The following DLG2 variants were observed in gnomAD, a reference collection of about 807,000 sequenced individuals.
The protein encoded by DLG2 is discs large MAGUK scaffold protein 2, also known as disks large homolog 2.
A neutral mutation model predicts 132.5 loss-of-function variants in DLG2; 45 were observed. That is an observed-to-expected ratio of 0.34 (90% CI 0.27 to 0.44). The LOEUF (loss-of-function observed/expected upper bound fraction) is 0.44, where lower values mean the gene tolerates loss of function less well. Among genes scored for constraint, DLG2 ranks in the 20% least tolerant of loss-of-function variants. The pLI is 1.00. For missense variants in DLG2, 1,045 were observed against 1,196.9 expected (o/e 0.87, Z 1.87); for synonymous variants, 424 against 419.6 (o/e 1.01, Z -0.13).
At chr11:83,476,122 C>A (rs761470082) in intron 22 of DLG2, among the ~76,000 whole-genome samples, 9 of 151,998 alleles carry the variant, frequency 5.9e-5, no homozygotes, top group Non-Finnish European at 1.2e-4. Flanking sequence ...AGTTGAAGAC[C>A]AGTGGCAGTA....
At chr11:85,582,335 G>A (rs190289954) in intron 3 of DLG2, among the ~76,000 whole-genome samples, 36 of 152,142 alleles carry the variant, frequency 2.4e-4, no homozygotes, top group East Asian at 1.9e-4. Context: ...AGAGTGGGAC[G>A]TTTTAAAGTG....
chr11:84,224,465 G>C (rs1566980842), intron 8 of DLG2, among the ~76,000 whole-genome samples: 1 of 152,200 alleles, frequency 6.6e-6, no homozygotes, highest in Non-Finnish European at 1.5e-5. Flanking sequence ...TGGTCTTGCA[G>C]CTGTGTACAT....
At chr11:83,771,223 C>T (rs890502431) in intron 18 of DLG2, among the ~76,000 whole-genome samples, 1 of 152,144 alleles carries the variant, frequency 6.6e-6, no homozygotes, top group Non-Finnish European at 1.5e-5. Context: ...TTTTAGAATG[C>T]TCTTTGTGTT....
intron 21 of DLG2, among the ~76,000 whole-genome samples, chr11:83,514,072 A>G (rs1412992472): frequency 6.6e-6 from 1 of 152,084 alleles, no homozygotes; most frequent in Non-Finnish European, 1.5e-5. Flanking sequence ...GAAGAAAGTC[A>G]TTGGTAGCTT....
intron 3 of DLG2, among the ~76,000 whole-genome samples, chr11:85,489,288 A>C (rs1018414483): frequency 6.6e-6 from 1 of 152,216 alleles, no homozygotes; most frequent in Non-Finnish European, 1.5e-5. Flanking sequence ...ACATCAGATA[A>C]AATGGTCATG....
At chr11:84,800,568 A>G (rs1438659392) in intron 6 of DLG2, 2 of 152,196 alleles carry the variant, frequency 1.3e-5, no homozygotes, top group Non-Finnish European at 2.9e-5. Flanking sequence ...TCCAAGGCCA[A>G]ATAACTGACA....
At position 84,997,206 on chromosome 11, in the gene DLG2, G is replaced by A. The variant is rs1035712295; in HGVS notation, c.357+114455C>T. ...ACTGCACATCAAAAATTACACGAGG[G>A]CTCTGTTTGCAGTGAGGTTTCACAA... On this transcript the variant is annotated intron_variant, in intron 6 of 27. Coordinates refer to ENST00000376104, the MANE Select transcript of DLG2 (RefSeq NM_001142699.3). 7 of 153,076 alleles carry A rather than the reference G, an allele frequency of 4.6e-5. No homozygotes were observed. In the East Asian group the frequency reaches 1.4e-3, roughly 30 times the overall value. The allele number at this position is 153,076 out of a possible 1,614,324, so 9.5% of individuals were successfully genotyped here. A position where few individuals can be genotyped will look rare whatever the true frequency, so the allele number is the denominator to read the frequency against.
chr11:83,581,853 G>A (rs1237115290), intron 19 of DLG2, among the ~76,000 whole-genome samples: 7 of 150,448 alleles, frequency 4.7e-5, no homozygotes, highest in African/African-American at 1.5e-4. Flanking sequence ...AACAGTAAGT[G>A]AAACTGAGTT....
At chr11:84,552,508 T>C (rs1358710148) in intron 6 of DLG2, among the ~76,000 whole-genome samples, 2 of 152,184 alleles carry the variant, frequency 1.3e-5, no homozygotes, top group African/African-American at 4.8e-5. Context: ...CCTCCATAAT[T>C]TATTCACTGC....
intron 6 of DLG2, among the ~76,000 whole-genome samples, chr11:84,940,419 C>A (rs748092729): frequency 6.6e-6 from 1 of 152,192 alleles, no homozygotes; most frequent in Non-Finnish European, 1.5e-5. Flanking sequence ...TCCCAAAGTG[C>A]TGGGATTACA....
chr11:84,498,332 G>A (rs1160916816), intron 7 of DLG2, among the ~76,000 whole-genome samples: 4 of 151,970 alleles, frequency 2.6e-5, no homozygotes, highest in African/African-American at 9.7e-5. Flanking sequence ...CCAATGACAG[G>A]GAGCTGACTG....
At chr11:85,255,629 A>C (rs979455436) in intron 4 of DLG2, among the ~76,000 whole-genome samples, 1 of 152,246 alleles carries the variant, frequency 6.6e-6, no homozygotes, top group Non-Finnish European at 1.5e-5. Flanking sequence ...TCTTAAGTAC[A>C]TCTGAAGAGT....
At chr11:85,321,629 G>A (rs1402107651) in intron 3 of DLG2, among the ~76,000 whole-genome samples, 2 of 152,034 alleles carry the variant, frequency 1.3e-5, no homozygotes, top group African/African-American at 4.8e-5. Flanking sequence ...AGATGACTAA[G>A]AAGGAGCAGC....
chr11:84,533,060 G>A (rs1428480935), intron 7 of DLG2, among the ~76,000 whole-genome samples: 1 of 152,090 alleles, frequency 6.6e-6, no homozygotes, highest in African/African-American at 2.4e-5. Context: ...GCGGAAGAAG[G>A]AGTCTTTTCT....
intron 3 of DLG2, among the ~76,000 whole-genome samples, chr11:85,561,173 T>C (rs2077214383): frequency 6.6e-6 from 1 of 150,648 alleles, no homozygotes; most frequent in East Asian, 1.9e-4. Context: ...CTGAAAAACA[T>C]AGTGAGACTC....
chr11:84,948,529 C>T (rs535415605), intron 6 of DLG2, among the ~76,000 whole-genome samples: 31 of 152,280 alleles, frequency 2.0e-4, no homozygotes, highest in African/African-American at 7.2e-4. Flanking sequence ...AATGAAAATA[C>T]GAAATTTTGT....
chr11:85,396,891 A>G (rs1273444535), intron 3 of DLG2, among the ~76,000 whole-genome samples: 1 of 152,228 alleles, frequency 6.6e-6, no homozygotes, highest in Admixed American at 6.5e-5. Context: ...TAACCTAGCA[A>G]GGCAGGCCAA....
intron 10 of DLG2, among the ~76,000 whole-genome samples, chr11:84,091,423 T>G (rs1269195388): frequency 6.6e-6 from 1 of 152,200 alleles, no homozygotes; most frequent in Non-Finnish European, 1.5e-5. Flanking sequence ...TTCCTCCCTT[T>G]TACTGGCGTG....
At chr11:85,098,623 G>A (rs2070319115) in intron 6 of DLG2, among the ~76,000 whole-genome samples, 2 of 152,090 alleles carry the variant, frequency 1.3e-5, no homozygotes, top group African/African-American at 4.8e-5. Context: ...GAAACAAACT[G>A]ACTCTTTCAA....
Sources: allele counts gnomAD v4.1 joint callset (sites outside exome capture counted in the v4.1 genomes callset), GRCh38; gene constraint gnomAD v4.1.1; transcripts MANE v1.5; gene names NCBI Gene and HGNC (gene_info 2026-07-23, HGNC 2026-07-21).